Variants in NCKAP5 observed in about 807,000 individuals in gnomAD.
The protein encoded by NCKAP5 is nck-associated protein 5.
A neutral mutation model predicts 167.0 loss-of-function variants in NCKAP5; 92 were observed. The observed-to-expected ratio is 0.55, with a 90% CI of 0.47 to 0.66. The LOEUF is 0.66. NCKAP5 is among the 30% of genes least tolerant of loss of function. The pLI, the probability that NCKAP5 is intolerant of heterozygous loss-of-function variation, is 0.00. For missense variants in NCKAP5, 2,378 were observed against 2,315.0 expected, an observed-to-expected ratio of 1.03 and a Z score of -0.56; for synonymous variants, 891 against 877.4, an observed-to-expected ratio of 1.02 and a Z score of -0.27.
intron 3 of NCKAP5, among the ~76,000 whole-genome samples, chr2:133,308,513 T>C (rs1176893839): frequency 6.6e-6 from 1 of 152,082 alleles, no homozygotes; most frequent in African/African-American, 2.4e-5. Flanking sequence ...CCGTGCCCTT[T>C]TGATGTAGAA....
chr2:132,832,381 G>T (rs1267273258), intron 11 of NCKAP5, among the ~76,000 whole-genome samples: 2 of 152,018 alleles, frequency 1.3e-5, no homozygotes, highest in Non-Finnish European at 2.9e-5. Flanking sequence ...TTTTATATAT[G>T]TTTTGCATGT....
chr2:133,132,491 A>ACACC (rs1341300618), intron 5 of NCKAP5, among the ~76,000 whole-genome samples: 3 of 146,736 alleles, frequency 2.0e-5, no homozygotes, highest in Non-Finnish European at 4.5e-5. Context: ...GCACACACAC[A>ACACC]CACACACACA....
chr2:133,256,630 A>C (rs2088632395), intron 4 of NCKAP5, among the ~76,000 whole-genome samples: 1 of 152,204 alleles, frequency 6.6e-6, no homozygotes, highest in African/African-American at 2.4e-5. Context: ...TATTATAACC[A>C]CCTAATTAGA....
intron 4 of NCKAP5, among the ~76,000 whole-genome samples, chr2:133,241,162 C>T (rs1021770761): frequency 2.0e-5 from 3 of 152,310 alleles, no homozygotes; most frequent in Non-Finnish European, 2.9e-5. Flanking sequence ...CATTCCCACG[C>T]TGTGCTTATA....
At chr2:132,780,237 T>C (rs754280894) in intron 15 of NCKAP5, among the ~76,000 whole-genome samples, 10 of 152,214 alleles carry the variant, frequency 6.6e-5, no homozygotes, top group Admixed American at 2.6e-4. Context: ...CTGCAAGCTC[T>C]GCCTCCTGGG....
At chr2:132,781,471 A>T (rs1429087520) in intron 14 of NCKAP5, among the ~76,000 whole-genome samples, 1 of 152,234 alleles carries the variant, frequency 6.6e-6, no homozygotes, top group Non-Finnish European at 1.5e-5. Flanking sequence ...GGAGAGGGGC[A>T]AAATAAAAAC....
rs1684794412 is a variant in NCKAP5, at chr2:133,357,258, T to C, written c.70-54148A>G. On this transcript the variant is annotated intron_variant, in intron 3 of 19. Transcript: ENST00000409261. ...CAAAATTATAGTCACTCAATACTTA[T>C]TCCTATTAGTTGGGTCACACACATA... is the stretch of plus-strand genomic sequence containing the variant. Among the ~76,000 whole-genome samples, 3 of 150,370 alleles carry C rather than the reference T, an allele frequency of 2.0e-5. No individual in the cohort carries two copies. In the Admixed American group the frequency reaches 2.0e-4, roughly 10 times the overall value.
chr2:133,243,109 T>TA (rs1440966071), intron 4 of NCKAP5, among the ~76,000 whole-genome samples: 1 of 136,524 alleles, frequency 7.3e-6, no homozygotes, highest in Admixed American at 6.9e-5. Flanking sequence ...CTTATATATA[T>TA]TTTTTAAAAA....
intron 6 of NCKAP5, among the ~76,000 whole-genome samples, chr2:133,026,991 G>T (rs541079903): frequency 6.6e-6 from 1 of 152,118 alleles, no homozygotes; most frequent in African/African-American, 2.4e-5. Flanking sequence ...ATTCCAATGC[G>T]CCCTTACAAA....
At chr2:133,661,912 A>T in the NCKAP5 span, among the ~76,000 whole-genome samples, 1 of 152,148 alleles carries the variant, frequency 6.6e-6, no homozygotes, top group Non-Finnish European at 1.5e-5. Flanking sequence ...ATAGATAAAC[A>T]TCTGGACATG....
chr2:132,708,293 C>T (rs1688547932), intron 19 of NCKAP5, among the ~76,000 whole-genome samples: 2 of 152,056 alleles, frequency 1.3e-5, no homozygotes, highest in Non-Finnish European at 1.5e-5. Context: ...TCTAAAATGC[C>T]ATTTCTGGAC....
intron 5 of NCKAP5, among the ~76,000 whole-genome samples, chr2:133,168,588 C>T (rs538806025): frequency 3.3e-5 from 5 of 152,180 alleles, no homozygotes; most frequent in South Asian, 4.1e-4. Flanking sequence ...CCTCCTCTTT[C>T]GAGTCAGTAG....
intron 11 of NCKAP5, among the ~76,000 whole-genome samples, chr2:132,814,896 ACT>A (rs925949905): frequency 1.4e-4 from 21 of 152,030 alleles, no homozygotes; most frequent in Admixed American, 1.0e-3. Flanking sequence ...GACACACAAC[ACT>A]CTGTTCTAAT....
intron 3 of NCKAP5, among the ~76,000 whole-genome samples, chr2:133,460,789 C>T (rs1692153974): frequency 6.6e-6 from 1 of 151,954 alleles, no homozygotes; most frequent in Non-Finnish European, 1.5e-5. Context: ...GAGAAAAATC[C>T]TATATTTTAT....
At chr2:132,795,820 GAAAA>G (rs55826486) in intron 12 of NCKAP5, among the ~76,000 whole-genome samples, 20,244 of 85,206 alleles carry the variant, frequency 0.24, 1,712 homozygotes, top group East Asian at 0.37. Context: ...CCCCGTATCA[GAAAA>G]AAAAAAAAAA....
intron 8 of NCKAP5, among the ~76,000 whole-genome samples, chr2:132,948,985 A>C (rs894083582): frequency 6.6e-6 from 1 of 150,514 alleles, no homozygotes; most frequent in African/African-American, 2.4e-5. Flanking sequence ...ACTCAGAAGC[A>C]ACAAAGATCC....
intron 3 of NCKAP5, among the ~76,000 whole-genome samples, chr2:133,317,707 A>G (rs949175932): frequency 1.3e-5 from 2 of 152,162 alleles, no homozygotes; most frequent in Non-Finnish European, 2.9e-5. Context: ...ATCCTCCACA[A>G]AGAGGCCAAC....
the NCKAP5 span, among the ~76,000 whole-genome samples, chr2:133,658,216 G>A: frequency 6.6e-6 from 1 of 152,058 alleles, no homozygotes; most frequent in Non-Finnish European, 1.5e-5. Flanking sequence ...GGGCCGGGGA[G>A]AACTCACATG....
In NCKAP5 at chr2:132,783,437, G is replaced by A. The variant is rs367809146; in HGVS notation, c.3374C>T (p.Ala1125Val). 3 of 1,585,726 alleles carry A rather than the reference G, an allele frequency of 1.9e-6. No homozygotes were observed. The African/African-American group carries it at 4.1e-5, about 21-fold the overall frequency. Residue 1125 changes from alanine to valine, a missense_variant, in exon 14 of 20, where the codon GCC becomes GTC. Physicochemically the swap from Ala to Val is moderately conservative, Grantham distance 64. Coordinates refer to ENST00000409261, the MANE Select transcript of NCKAP5 (RefSeq NM_207363.3). Reference protein sequence around the residue: ...VSSSSSSSSPAKSHNSPHGCQ... With the variant: ...VSSSSSSSSPVKSHNSPHGCQ... ...ACCATGAGGGCTGTTATGGCTTTTG[G>A]CGGGTGATGAGGATGATGAGGAACT... is the stretch of plus-strand genomic sequence containing the variant.
Sources: allele counts gnomAD v4.1 joint callset (sites outside exome capture counted in the v4.1 genomes callset), GRCh38; gene constraint gnomAD v4.1.1; transcripts MANE v1.5; gene names NCBI Gene and HGNC (gene_info 2026-07-23, HGNC 2026-07-21).